ZNF804A: variants seen among roughly 807,000 people sequenced by gnomAD.
ZNF804A encodes the protein zinc finger protein 804A.
Under a neutral mutation model 16.5 loss-of-function variants are expected in ZNF804A, and 2 were observed. The observed-to-expected ratio is 0.12, with a 90% CI of 0.05 to 0.38. The LOEUF (loss-of-function observed/expected upper bound fraction) is 0.38, where lower values mean the gene tolerates loss of function less well. ZNF804A is among the 10% of genes least tolerant of loss of function. The pLI, the probability that ZNF804A is intolerant of heterozygous loss-of-function variation, is 0.99. For missense variants in ZNF804A, 1,473 were observed against 1,390.7 expected, an observed-to-expected ratio of 1.06 and a Z score of -0.94; for synonymous variants, 534 against 489.6, an observed-to-expected ratio of 1.09 and a Z score of -1.20.
At position 184,737,312 on chromosome 2, in the gene ZNF804A, C is replaced by T. The variant is rs149384232; in HGVS notation, c.112-129057C>T. Among the ~76,000 whole-genome samples the T allele has an allele frequency of 2.2e-3, 334 of 152,076 alleles. 1 individual carries two copies. Among genetic ancestry groups the T allele is most frequent in the Middle Eastern group, 6.8e-3 (2 of 294 alleles). On this transcript the variant is annotated intron_variant, in intron 1 of 3. Coordinates refer to ENST00000302277, the MANE Select transcript of ZNF804A (RefSeq NM_194250.2). ...TCCTGACCTCGTGATCCACCTGCCCCGGCCTCCCAAAGTGCTGGGATTACA... is the reference window on the plus strand; with the variant it reads ...TCCTGACCTCGTGATCCACCTGCCCTGGCCTCCCAAAGTGCTGGGATTACA...
At chr2:184,600,882 C>T (rs1350796696) in intron 1 of ZNF804A, among the ~76,000 whole-genome samples, 2 of 152,012 alleles carry the variant, frequency 1.3e-5, no homozygotes, top group Non-Finnish European at 2.9e-5. Context: ...CTAGATTTAC[C>T]ATTGTAACCT....
chr2:184,729,653 T>C (rs1693480262), intron 1 of ZNF804A, among the ~76,000 whole-genome samples: 1 of 152,060 alleles, frequency 6.6e-6, no homozygotes, highest in Non-Finnish European at 1.5e-5. Context: ...TGGAAATGAG[T>C]TGCTTAATCA....
chr2:184,658,769 T>A (rs1692121632), intron 1 of ZNF804A, among the ~76,000 whole-genome samples: 1 of 152,168 alleles, frequency 6.6e-6, no homozygotes, highest in Admixed American at 6.5e-5. Flanking sequence ...CAAAGAAGAA[T>A]GAGCCAAAGG....
Position 184,866,561 on chromosome 2 carries a change from A to G in ZNF804A, c.255+49A>G, listed in dbSNP as rs200235935. The G allele has an allele frequency of 1.9e-6, 3 of 1,539,488 alleles. No individual in the cohort carries two copies. In the African/African-American group the frequency reaches 4.2e-5, roughly 21 times the overall value. ...TCTGGCATTTCTGGACTTGTGTAAT[A>G]GTTTTAATTGTGTAGACTCTATGAA... On this transcript the variant is annotated intron_variant, in intron 2 of 3. Transcript: ENST00000302277.
chr2:184,859,821 A>T, intron 1 of ZNF804A, among the ~76,000 whole-genome samples: 2 of 152,350 alleles, frequency 1.3e-5, no homozygotes, highest in Non-Finnish European at 2.9e-5. Flanking sequence ...GCTGGAATCT[A>T]AAGTCGAGTT....
chr2:184,772,658 A>T (rs1694233698), intron 1 of ZNF804A, among the ~76,000 whole-genome samples: 1 of 151,830 alleles, frequency 6.6e-6, no homozygotes, highest in Non-Finnish European at 1.5e-5. Context: ...TTTCTGGATC[A>T]TATGACAACT....
intron 2 of ZNF804A, among the ~76,000 whole-genome samples, chr2:184,870,414 T>TA (rs1372952705): frequency 6.6e-6 from 1 of 152,068 alleles, no homozygotes; most frequent in African/African-American, 2.4e-5. Context: ...ATATTCAACT[T>TA]AGTTTATAAT....
chr2:184,629,164 GT>G (rs1364318325), intron 1 of ZNF804A, among the ~76,000 whole-genome samples: 2 of 152,042 alleles, frequency 1.3e-5, no homozygotes, highest in Non-Finnish European at 2.9e-5. Context: ...TATATTCATA[GT>G]ATATTCCTTT....
At chr2:184,612,592 G>A (rs1691255766) in intron 1 of ZNF804A, among the ~76,000 whole-genome samples, 1 of 151,974 alleles carries the variant, frequency 6.6e-6, no homozygotes, top group Admixed American at 6.6e-5. Context: ...CCACCACCAA[G>A]TCTGGCTAAT....
rs568828097 is a variant in ZNF804A at position 184,882,266 on chromosome 2, T to C, written c.255+15754T>C. Among the ~76,000 whole-genome samples, 6 of 152,206 alleles carry C rather than the reference T, an allele frequency of 3.9e-5. No individual in the cohort carries two copies. The South Asian group carries it at 6.2e-4, about 16-fold the overall frequency. ...CAAGAAGATCTAACTATGCTAAATATGTCCACATGCAACACGGGAGCACCC... is the reference window on the plus strand; with the variant it reads ...CAAGAAGATCTAACTATGCTAAATACGTCCACATGCAACACGGGAGCACCC... On this transcript the variant is annotated intron_variant, in intron 2 of 3. Coordinates refer to ENST00000302277, the MANE Select transcript of ZNF804A (RefSeq NM_194250.2).
chr2:184,898,723 G>A (rs1361851676), intron 2 of ZNF804A, among the ~76,000 whole-genome samples: 2 of 151,820 alleles, frequency 1.3e-5, no homozygotes, highest in Admixed American at 6.6e-5. Flanking sequence ...ATCTTCTTAA[G>A]GACAGGATAA....
At chr2:184,693,953 G>T (rs1449406336) in intron 1 of ZNF804A, among the ~76,000 whole-genome samples, 1 of 136,158 alleles carries the variant, frequency 7.3e-6, no homozygotes, top group Non-Finnish European at 1.6e-5. Flanking sequence ...TTTTTTTGAC[G>T]GAGGCTCACT....
At chr2:184,610,667 G>A (rs1476046524) in intron 1 of ZNF804A, among the ~76,000 whole-genome samples, 2 of 151,988 alleles carry the variant, frequency 1.3e-5, no homozygotes, top group African/African-American at 2.4e-5. Context: ...CCTTCAAAAG[G>A]TTATGTTAGC....
chr2:184,830,900 A>C (rs985095301), intron 1 of ZNF804A, among the ~76,000 whole-genome samples: 1 of 152,158 alleles, frequency 6.6e-6, no homozygotes, highest in African/African-American at 2.4e-5. Flanking sequence ...AGAAAATAAC[A>C]TGACACAATA....
chr2:184,689,061 A>T lies in ZNF804A; in HGVS notation c.111+89991A>T, dbSNP rs192507808. Among the ~76,000 whole-genome samples, 306 of 152,298 alleles carry T rather than the reference A, an allele frequency of 2.0e-3. 1 individual carries two copies. The highest frequency in any genetic ancestry group is 7.1e-3 in the African/African-American group (294 of 41,584). ...AATAACACATATACACACTAGTAGA[A>T]TATGGAATATTCTACACACAAGGAA... On this transcript the variant is annotated intron_variant, in intron 1 of 3. Coordinates refer to ENST00000302277, the MANE Select transcript of ZNF804A (RefSeq NM_194250.2).
intron 1 of ZNF804A, among the ~76,000 whole-genome samples, chr2:184,785,428 A>AT (rs1694432370): frequency 6.6e-6 from 1 of 152,012 alleles, no homozygotes. Context: ...ATAACTATTA[A>AT]TTTTTTATCT....
chr2:184,703,967 A>G (rs963316476), intron 1 of ZNF804A, among the ~76,000 whole-genome samples: 1 of 152,282 alleles, frequency 6.6e-6, no homozygotes, highest in East Asian at 1.9e-4. Context: ...CAAAATTTTT[A>G]GGATAAACTA....
At chr2:184,749,791 T>G (rs541190486) in intron 1 of ZNF804A, among the ~76,000 whole-genome samples, 4 of 151,260 alleles carry the variant, frequency 2.6e-5, no homozygotes, top group Non-Finnish European at 5.9e-5. Context: ...CCAATGAAGT[T>G]AAATAACATT....
intron 1 of ZNF804A, among the ~76,000 whole-genome samples, chr2:184,640,310 T>C (rs1380754694): frequency 1.3e-5 from 2 of 152,026 alleles, no homozygotes; most frequent in African/African-American, 4.8e-5. Flanking sequence ...TAGGACATTA[T>C]TAAAATGTTA....
Sources: allele counts gnomAD v4.1 joint callset (sites outside exome capture counted in the v4.1 genomes callset), GRCh38; gene constraint gnomAD v4.1.1; transcripts MANE v1.5; gene names NCBI Gene and HGNC (gene_info 2026-07-23, HGNC 2026-07-21).